CRB1: variants seen among roughly 807,000 people sequenced by gnomAD.
The protein encoded by CRB1 is protein crumbs homolog 1.
In CRB1, 83 loss-of-function variants were observed where a neutral mutation model predicts 120.0. The observed-to-expected ratio is 0.69, with a 90% CI of 0.58 to 0.83. The LOEUF (loss-of-function observed/expected upper bound fraction) is 0.83. CRB1 is among the 40% of genes least tolerant of loss of function. The probability of loss-of-function intolerance (pLI) is 0.00; values close to 1 mark genes in which losing one functional copy is unlikely to be tolerated. For missense variants in CRB1, 1,699 were observed against 1,687.6 expected (o/e 1.01, Z -0.12); for synonymous variants, 625 against 612.5 (o/e 1.02, Z -0.30).
chr1:197,407,633 G>T (rs1018253744), intron 5 of CRB1, among the ~76,000 whole-genome samples: 1 of 152,134 alleles, frequency 6.6e-6, no homozygotes, highest in Non-Finnish European at 1.5e-5. Flanking sequence ...CATAAAAAAT[G>T]CAGCTATCTG....
At position 197,421,973 on chromosome 1, in the gene CRB1, T is replaced by G; in HGVS notation, c.2128+17T>G. 1.2e-6 allele frequency: 2 copies of G among 1,611,194 alleles called. No individual in the cohort carries two copies. The highest frequency in any genetic ancestry group is 1.7e-6 in the Non-Finnish European group (2 of 1,179,112). Reference sequence around the variant, plus strand: ...GTCTGAGAGGTGAGAGAAAGCTGAGTGCTATGGCTAGGAGTGCCATGCCTC... The same window carrying G: ...GTCTGAGAGGTGAGAGAAAGCTGAGGGCTATGGCTAGGAGTGCCATGCCTC... On this transcript the variant is annotated intron_variant, in intron 6 of 11. Transcript: ENST00000367400.
At chr1:197,229,190 C>T in the CRB1 span, among the ~76,000 whole-genome samples, 1 of 152,144 alleles carries the variant, frequency 6.6e-6, no homozygotes, top group Non-Finnish European at 1.5e-5. Context: ...ATGTGTGCCA[C>T]CCAGTCTGTG....
upstream of CRB1, among the ~76,000 whole-genome samples, chr1:197,265,446 TTC>T (rs1264985322): frequency 6.6e-6 from 1 of 151,876 alleles, no homozygotes; most frequent in African/African-American, 2.4e-5. Flanking sequence ...CTCCTCCTCT[TTC>T]TCTCTCTGTC....
Position 197,435,349 on chromosome 1 carries a change from T to A in CRB1, c.3486T>A (p.His1162Gln). The A allele has an allele frequency of 6.2e-7, 1 of 1,613,632 alleles. No individual in the cohort carries two copies. The highest frequency in any genetic ancestry group is 8.5e-7 in the Non-Finnish European group (1 of 1,179,754). ...GTGAAGACATCTATAGCTCTTATCATTGCTCCTGTCCCTTGGGATGGTCAG... is the reference window on the plus strand; with the variant it reads ...GTGAAGACATCTATAGCTCTTATCAATGCTCCTGTCCCTTGGGATGGTCAG... ...GNCEDIYSSY[H>Q]CSCPLGWSGK... Residue 1162 changes from histidine (H) to glutamine (Q), a missense_variant, in exon 9 of 12, where the codon CAT becomes CAA. By Grantham distance (24) the His-to-Gln change is conservative. Coordinates refer to ENST00000367400, the MANE Select transcript of CRB1 (RefSeq NM_201253.3).
chr1:197,398,892 TTGTGTGTGTGTGTGTGTGTG>T lies in CRB1; in HGVS notation c.1172-22084_1172-22065del, dbSNP rs140149936. On this transcript the variant is annotated intron_variant, in intron 5 of 11. Coordinates refer to ENST00000367400, the MANE Select transcript of CRB1 (RefSeq NM_201253.3). Reference sequence around the variant, plus strand: ...GCCAGGAGCTGGGGTCAGGAAATGATTGTGTGTGTGTGTGTGTGTGTGTGTGTGTGTGTGTGTGTGTGTAA... The same window carrying T: ...GCCAGGAGCTGGGGTCAGGAAATGATTGTGTGTGTGTGTGTGTGTGTGTAA... Among the ~76,000 whole-genome samples the T allele has an allele frequency of 7.3e-5, 10 of 136,390 alleles. No homozygotes were observed. The East Asian group carries it at 2.0e-3, about 27-fold the overall frequency. 89.5% of individuals were successfully genotyped at this position (136,390 alleles called of 152,430 possible).
At chr1:197,341,461 T>G (rs969390231) in intron 2 of CRB1, among the ~76,000 whole-genome samples, 11 of 151,804 alleles carry the variant, frequency 7.2e-5, no homozygotes, top group Non-Finnish European at 1.2e-4. Flanking sequence ...GAGAATTGCT[T>G]AAACCTGGGA....
At chr1:197,361,092 T>C (rs1660744100) in intron 5 of CRB1, among the ~76,000 whole-genome samples, 1 of 152,208 alleles carries the variant, frequency 6.6e-6, no homozygotes. Context: ...GACTTGCACA[T>C]CTGAAATAAA....
intron 11 of CRB1, among the ~76,000 whole-genome samples, chr1:197,455,282 T>A (rs957283054): frequency 2.0e-5 from 3 of 152,140 alleles, no homozygotes; most frequent in Admixed American, 2.0e-4. Flanking sequence ...ACCAATTAAC[T>A]GACAAAAATA....
the CRB1 span, among the ~76,000 whole-genome samples, chr1:197,245,465 G>A: frequency 9.9e-5 from 15 of 152,136 alleles, no homozygotes; most frequent in East Asian, 2.5e-3. Context: ...CCTGTGAATA[G>A]CCACTGCATT....
intron 5 of CRB1, among the ~76,000 whole-genome samples, chr1:197,382,911 C>A (rs1185563859): frequency 6.6e-6 from 1 of 152,158 alleles, no homozygotes; most frequent in Non-Finnish European, 1.5e-5. Context: ...GCTCTCCTAA[C>A]CTCACTGACC....
intron 5 of CRB1, among the ~76,000 whole-genome samples, chr1:197,362,679 T>C (rs4915525): frequency 0.57 from 86,185 of 151,546 alleles, 28,104 homozygotes; most frequent in South Asian, 0.81. Context: ...GATATTGTTA[T>C]AGCCATTCCT....
the CRB1 span, among the ~76,000 whole-genome samples, chr1:197,210,712 T>G: frequency 1.3e-5 from 2 of 152,260 alleles, 1 homozygote; most frequent in Middle Eastern, 6.8e-3. Flanking sequence ...GATTTCTTCA[T>G]TCATGTAGTA....
At chr1:197,309,089 T>C (rs1229435781) in intron 1 of CRB1, among the ~76,000 whole-genome samples, 1 of 151,734 alleles carries the variant, frequency 6.6e-6, no homozygotes, top group Non-Finnish European at 1.5e-5. Context: ...TATACACATA[T>C]ACACACACAC....
At chr1:197,460,976 G>A (rs1666503886) in intron 11 of CRB1, among the ~76,000 whole-genome samples, 1 of 152,042 alleles carries the variant, frequency 6.6e-6, no homozygotes, top group African/African-American at 2.4e-5. Flanking sequence ...TTTGCTCTAC[G>A]GCCCTAATAG....
At chr1:197,324,532 C>T (rs1273687240) in intron 1 of CRB1, among the ~76,000 whole-genome samples, 1 of 152,124 alleles carries the variant, frequency 6.6e-6, no homozygotes, top group Non-Finnish European at 1.5e-5. Context: ...ATAATGCTCA[C>T]TCTGTGCCAA....
At chr1:197,240,329 A>G in the CRB1 span, among the ~76,000 whole-genome samples, 1 of 152,098 alleles carries the variant, frequency 6.6e-6, no homozygotes, top group Admixed American at 6.6e-5. Flanking sequence ...TCAACCCGTC[A>G]TCTACGTTAG....
chr1:197,324,497 A>G (rs980206831), intron 1 of CRB1, among the ~76,000 whole-genome samples: 6 of 152,160 alleles, frequency 3.9e-5, no homozygotes, highest in African/African-American at 1.4e-4. Flanking sequence ...TTTATTCCTA[A>G]TAATAATAAG....
chr1:197,462,878 C>A (rs1018229126), intron 11 of CRB1, among the ~76,000 whole-genome samples: 5 of 99,894 alleles, frequency 5.0e-5, no homozygotes, highest in Admixed American at 4.0e-4. Context: ...AGCCTATAGC[C>A]AATGCAGATC....
intron 5 of CRB1, among the ~76,000 whole-genome samples, chr1:197,407,758 A>G (rs1057061854): frequency 6.6e-5 from 10 of 152,208 alleles, no homozygotes; most frequent in Admixed American, 3.3e-4. Context: ...TTATAGAGTC[A>G]ATACTATAAA....
Sources: gnomAD v4.1 joint callset for allele counts (sites outside exome capture counted in the v4.1 genomes callset) on GRCh38, gnomAD v4.1.1 for gene constraint, MANE v1.5 for transcripts, NCBI Gene and HGNC (gene_info 2026-07-23, HGNC 2026-07-21) for gene names.